RAD51B: variants seen among roughly 807,000 people sequenced by gnomAD.
RAD51B encodes DNA repair protein RAD51 homolog 2.
In RAD51B, 38 loss-of-function variants were observed where a neutral mutation model predicts 42.2. The observed-to-expected ratio is 0.90, with a 90% confidence interval of 0.70 to 1.18. The LOEUF (loss-of-function observed/expected upper bound fraction) is 1.18, where lower values mean the gene tolerates loss of function less well. Ranked by LOEUF, RAD51B falls within the 50% of genes most tolerant of loss-of-function variation. The pLI is 0.00. For synonymous variants in RAD51B, 154 were observed against 145.2 expected (o/e 1.06, Z -0.43); for missense variants, 373 against 400.7 (o/e 0.93, Z 0.59).
chr14:68,254,478 T>C (rs2080709424), intron 7 of RAD51B, among the ~76,000 whole-genome samples: 1 of 152,210 alleles, frequency 6.6e-6, no homozygotes, highest in South Asian at 2.1e-4. Context: ...GTATTAGCTG[T>C]TCCTGGGACT....
chr14:68,348,130 A>C (rs2082710453), intron 8 of RAD51B, among the ~76,000 whole-genome samples: 1 of 152,346 alleles, frequency 6.6e-6, no homozygotes, highest in East Asian at 1.9e-4. Flanking sequence ...ATTCCCTCAA[A>C]GAGTTTACCA....
chr14:68,038,204 A>T (rs894877830), intron 7 of RAD51B, among the ~76,000 whole-genome samples: 9 of 152,230 alleles, frequency 5.9e-5, no homozygotes, highest in Admixed American at 3.3e-4. Flanking sequence ...TTCCTCTTTT[A>T]TCTTTTACAA....
At chr14:68,246,069 T>C (rs1417169872) in intron 7 of RAD51B, among the ~76,000 whole-genome samples, 3 of 152,160 alleles carry the variant, frequency 2.0e-5, no homozygotes, top group Non-Finnish European at 4.4e-5. Context: ...AAGTTTTATA[T>C]GTTATTTTGT....
At chr14:68,521,852 AT>A (rs1190274717) in intron 10 of RAD51B, among the ~76,000 whole-genome samples, 1 of 152,196 alleles carries the variant, frequency 6.6e-6, no homozygotes, top group Admixed American at 6.5e-5. Context: ...TTTATATGTA[AT>A]TGTTAGCCCC....
chr14:67,842,535 A>G (rs1434776016), intron 4 of RAD51B, among the ~76,000 whole-genome samples: 1 of 152,032 alleles, frequency 6.6e-6, no homozygotes, highest in Non-Finnish European at 1.5e-5. Flanking sequence ...ACTCCCAGCT[A>G]ATTTTTATAT....
intron 7 of RAD51B, among the ~76,000 whole-genome samples, chr14:68,061,261 G>T (rs1315104764): frequency 6.6e-6 from 1 of 151,740 alleles, no homozygotes; most frequent in Non-Finnish European, 1.5e-5. Context: ...TATAGATGGG[G>T]TTTCACTATG....
intron 7 of RAD51B, among the ~76,000 whole-genome samples, chr14:68,233,474 G>C (rs1173645615): frequency 2.0e-5 from 3 of 152,116 alleles, no homozygotes; most frequent in Non-Finnish European, 2.9e-5. Context: ...CCATTCTCTT[G>C]CTTTTATAAT....
At chr14:67,976,410 A>G (rs1297080349) in intron 7 of RAD51B, among the ~76,000 whole-genome samples, 2 of 151,532 alleles carry the variant, frequency 1.3e-5, no homozygotes, top group Non-Finnish European at 2.9e-5. Flanking sequence ...GAGCCACTCC[A>G]CTTGGCTCAA....
intron 10 of RAD51B, among the ~76,000 whole-genome samples, chr14:68,650,439 G>T (rs969583669): frequency 6.6e-6 from 1 of 152,208 alleles, no homozygotes; most frequent in Non-Finnish European, 1.5e-5. Context: ...CACAGTACCA[G>T]CCTGACACAT....
intron 9 of RAD51B, among the ~76,000 whole-genome samples, chr14:68,419,151 C>A (rs924725842): frequency 2.6e-5 from 4 of 152,292 alleles, no homozygotes; most frequent in Non-Finnish European, 4.4e-5. Context: ...GTTTCATACT[C>A]CATTCTAGCC....
At chr14:68,559,830 C>T (rs1009778047) in intron 10 of RAD51B, among the ~76,000 whole-genome samples, 1 of 152,196 alleles carries the variant, frequency 6.6e-6, no homozygotes, top group Non-Finnish European at 1.5e-5. Flanking sequence ...GACTGCACCC[C>T]GAGGAGGACT....
chr14:67,960,084 C>CA (rs530368478), intron 7 of RAD51B, among the ~76,000 whole-genome samples: 36,416 of 140,340 alleles, frequency 0.26, 5,233 homozygotes, highest in African/African-American at 0.42. Flanking sequence ...GACTCCATCT[C>CA]AAAAAAAAAA....
rs1224987758 is a variant in RAD51B, at chr14:67,878,290, T to C, written c.453-7579T>C. ...CGGGAAAAAAGTGATAGCTCATTGT[T>C]TTAACTATTGTGAACCAACATCTTT... On this transcript the variant is annotated intron_variant, in intron 5 of 10. Coordinates refer to ENST00000471583, the MANE Select transcript of RAD51B (RefSeq NM_133510.4). 2.0e-5 allele frequency among the ~76,000 whole-genome samples: 3 copies of C among 151,210 alleles called. No homozygotes were observed. The East Asian group carries it at 5.8e-4, about 29-fold the overall frequency.
intron 8 of RAD51B, among the ~76,000 whole-genome samples, chr14:68,353,672 G>A (rs1287369622): frequency 1.3e-5 from 2 of 152,216 alleles, no homozygotes; most frequent in Non-Finnish European, 2.9e-5. Flanking sequence ...AGGTGCATCC[G>A]AGTCATAATA....
intron 10 of RAD51B, among the ~76,000 whole-genome samples, chr14:68,538,213 T>A (rs1887754610): frequency 6.6e-6 from 1 of 152,222 alleles, no homozygotes; most frequent in South Asian, 2.1e-4. Flanking sequence ...AAGGGCATTC[T>A]GCACCTTTGA....
chr14:68,527,733 A>G (rs1387831500), intron 10 of RAD51B, among the ~76,000 whole-genome samples: 1 of 152,286 alleles, frequency 6.6e-6, no homozygotes, highest in Non-Finnish European at 1.5e-5. Flanking sequence ...TATGAGCAGT[A>G]GCTATTTTTA....
chr14:67,832,084 AT>A (rs2041072247), intron 3 of RAD51B, among the ~76,000 whole-genome samples: 1 of 152,248 alleles, frequency 6.6e-6, no homozygotes, highest in African/African-American at 2.4e-5. Context: ...GATAAATTAT[AT>A]TACATTTATG....
chr14:68,126,034 CTCAT>C (rs2077752990), intron 7 of RAD51B, among the ~76,000 whole-genome samples: 1 of 152,154 alleles, frequency 6.6e-6, no homozygotes, highest in South Asian at 2.1e-4. Flanking sequence ...GATGGGCACT[CTCAT>C]TAATCCTGGT....
chr14:68,339,731 G>A (rs1011651853), intron 8 of RAD51B, among the ~76,000 whole-genome samples: 10 of 152,148 alleles, frequency 6.6e-5, no homozygotes, highest in South Asian at 2.1e-4. Flanking sequence ...CTCTCTCTAA[G>A]CCTAGTTCTT....
Sources: gnomAD v4.1 joint callset for allele counts (sites outside exome capture counted in the v4.1 genomes callset) on GRCh38, gnomAD v4.1.1 for gene constraint, MANE v1.5 for transcripts, NCBI Gene and HGNC (gene_info 2026-07-23, HGNC 2026-07-21) for gene names.